GRAMD2B: variants seen among roughly 807,000 people sequenced by gnomAD.
GRAMD2B encodes the protein GRAM domain-containing protein 2B.
Under a neutral mutation model 59.2 loss-of-function variants are expected in GRAMD2B, and 41 were observed. The ratio of observed to expected loss-of-function variants is 0.69; its 90% CI spans 0.54 to 0.90. The LOEUF is 0.90. Among genes scored for constraint, GRAMD2B ranks in the 40% least tolerant of loss-of-function variants. The pLI, the probability that GRAMD2B is intolerant of heterozygous loss-of-function variation, is 0.00. For synonymous variants in GRAMD2B, 161 were observed against 182.7 expected (o/e 0.88, Z 0.96); for missense variants, 424 against 500.5 (o/e 0.85, Z 1.46).
chr5:126,466,229 T>C, intron 2 of GRAMD2B: 2 of 1,546,004 alleles, frequency 1.3e-6, no homozygotes, highest in Non-Finnish European at 1.7e-6. Context: ...TGCTACCTTC[T>C]ACTTCTTTTG....
chr5:126,479,158 A>G (rs1003238280), intron 6 of GRAMD2B, among the ~76,000 whole-genome samples: 3 of 152,194 alleles, frequency 2.0e-5, no homozygotes, highest in Non-Finnish European at 2.9e-5. Context: ...CTATGAAAGC[A>G]TAAACTCTAC....
intron 1 of GRAMD2B, among the ~76,000 whole-genome samples, chr5:126,415,192 G>C (rs1221631394): frequency 6.6e-6 from 1 of 152,152 alleles, no homozygotes; most frequent in Non-Finnish European, 1.5e-5. Context: ...TTGGGAATGA[G>C]TGGTTTGTGT....
chr5:126,450,932 A>C (rs996892077), intron 1 of GRAMD2B, among the ~76,000 whole-genome samples: 3 of 152,240 alleles, frequency 2.0e-5, no homozygotes, highest in African/African-American at 7.2e-5. Flanking sequence ...CAAAAACTCT[A>C]CTAGGGCAGT....
At chr5:126,433,624 G>A (rs1175259921) in intron 1 of GRAMD2B, 1 of 152,184 alleles carries the variant, frequency 6.6e-6, no homozygotes, top group African/African-American at 2.4e-5. Context: ...TTGGATACTT[G>A]CATATTTATC....
intron 1 of GRAMD2B, among the ~76,000 whole-genome samples, chr5:126,458,043 G>A (rs1766648539): frequency 6.6e-6 from 1 of 151,936 alleles, no homozygotes; most frequent in Non-Finnish European, 1.5e-5. Context: ...AGTTTCCCTG[G>A]GATTTTACTT....
intron 1 of GRAMD2B, among the ~76,000 whole-genome samples, chr5:126,423,989 T>G (rs1225954150): frequency 6.6e-6 from 1 of 152,194 alleles, no homozygotes; most frequent in Non-Finnish European, 1.5e-5. Context: ...AAGCTCAAAG[T>G]CCCAACACAG....
At chr5:126,391,184 T>C (rs1397090331) in intron 1 of GRAMD2B, among the ~76,000 whole-genome samples, 1 of 151,410 alleles carries the variant, frequency 6.6e-6, no homozygotes, top group Non-Finnish European at 1.5e-5. Context: ...CTAGTAAAAA[T>C]ACAAAAATGA....
chr5:126,438,343 A>G (rs1015439420), intron 1 of GRAMD2B, among the ~76,000 whole-genome samples: 1 of 152,172 alleles, frequency 6.6e-6, no homozygotes, highest in Non-Finnish European at 1.5e-5. Context: ...CACACCCAAT[A>G]AGTGACAGAA....
chr5:126,364,935 T>C (rs1008703436), intron 1 of GRAMD2B, among the ~76,000 whole-genome samples: 1 of 152,216 alleles, frequency 6.6e-6, no homozygotes, highest in African/African-American at 2.4e-5. Context: ...AGAGAAGATG[T>C]GTCGGTTTCT....
At chr5:126,487,104 T>C in intron 12 of GRAMD2B, 127 bp downstream of exon 12, 2 of 620,880 alleles carry the variant, frequency 3.2e-6, no homozygotes, top group Non-Finnish European at 2.9e-6. Flanking sequence ...TTTTGTTAAG[T>C]GTATATGTGG....
intron 1 of GRAMD2B, among the ~76,000 whole-genome samples, chr5:126,446,967 A>C (rs1680425555): frequency 6.6e-6 from 1 of 152,224 alleles, no homozygotes; most frequent in South Asian, 2.1e-4. Flanking sequence ...AAAGTAAAGC[A>C]AACTAAGGCA....
chr5:126,435,513 G>A (rs1030170221), intron 1 of GRAMD2B, among the ~76,000 whole-genome samples: 1 of 152,198 alleles, frequency 6.6e-6, no homozygotes, highest in Non-Finnish European at 1.5e-5. Flanking sequence ...CCCCGGTTAG[G>A]TGTCCCCTCT....
chr5:126,460,343 T>C (rs1746907008), intron 1 of GRAMD2B, among the ~76,000 whole-genome samples: 2 of 152,232 alleles, frequency 1.3e-5, no homozygotes, highest in Non-Finnish European at 1.5e-5. Flanking sequence ...TTTATACTTA[T>C]GCTTATAGTG....
intron 9 of GRAMD2B, 147 bp from the exon 10 acceptor site, chr5:126,484,255 A>G (rs762520397): frequency 1.2e-4 from 100 of 837,178 alleles, no homozygotes; most frequent in Non-Finnish European, 1.5e-4. Context: ...ATTCAATTTC[A>G]GCCCCAGCCA....
intron 1 of GRAMD2B, chr5:126,465,044 C>T: frequency 2.0e-6 from 2 of 1,022,706 alleles, no homozygotes; most frequent in Non-Finnish European, 2.3e-6. Flanking sequence ...AGCAGGAAGG[C>T]TCACACCTGC....
intron 8 of GRAMD2B, among the ~76,000 whole-genome samples, chr5:126,482,421 A>C (rs1221086778): frequency 6.6e-6 from 1 of 152,234 alleles, no homozygotes; most frequent in Non-Finnish European, 1.5e-5. Flanking sequence ...TTTGGAATCC[A>C]AGAAACCTGG....
At chr5:126,481,210 AGAAAGAAAGAAAGAAAGAAAG>A (rs1561598770) in intron 8 of GRAMD2B, among the ~76,000 whole-genome samples, 254 of 12,114 alleles carry the variant, frequency 0.021, 2 homozygotes, top group Non-Finnish European at 0.029. Context: ...AAAAAAAGAA[AGAAAGAAAGAAAGAAAGAAAG>A]AAAGAAAGAA....
chr5:126,380,683 T>C (rs1329923014), intron 1 of GRAMD2B, among the ~76,000 whole-genome samples: 2 of 152,302 alleles, frequency 1.3e-5, no homozygotes, highest in East Asian at 1.9e-4. Flanking sequence ...GGTTGAGTTA[T>C]TGATGTGATT....
exon 1 of GRAMD2B, chr5:126,360,324 T>C: frequency 6.4e-7 from 1 of 1,551,054 alleles, no homozygotes; most frequent in Non-Finnish European, 8.7e-7. Context: ...TCACCTGGCC[T>C]CTAGAAGATG....
Sources: gnomAD v4.1 joint callset for allele counts (sites outside exome capture counted in the v4.1 genomes callset) on GRCh38, gnomAD v4.1.1 for gene constraint, MANE v1.5 for transcripts, NCBI Gene and HGNC (gene_info 2026-07-23, HGNC 2026-07-21) for gene names.